The following MME variants were observed in gnomAD, a reference collection of about 807,000 sequenced individuals.
The protein encoded by MME is membrane metalloendopeptidase, also known as neprilysin.
A neutral mutation model predicts 113.2 loss-of-function variants in MME; 98 were observed. The observed-to-expected ratio is 0.87, with a 90% CI of 0.74 to 1.02. The LOEUF is 1.02. Among genes scored for constraint, MME ranks in the 50% least tolerant of loss-of-function variants. MME has a pLI of 0.00. For synonymous variants in MME, 292 were observed against 300.6 expected (o/e 0.97, Z 0.30); for missense variants, 836 against 896.0 (o/e 0.93, Z 0.86).
chr3:155,160,318 G>T (rs1420921124), intron 16 of MME, 72 bp from the exon 17 acceptor site: 1 of 1,008,984 alleles, frequency 9.9e-7, no homozygotes. Context: ...TGGTAATAAT[G>T]CTTTAATTGT....
chr3:155,147,679 C>T lies in MME; in HGVS notation c.1497+455C>T, dbSNP rs74797120. On this transcript the variant is annotated intron_variant, in intron 15 of 22. Transcript: ENST00000360490. ...GAGAACTGAAAACTATTTTGTTCTG[C>T]CCTGGTAATGTAACAGTTAAAAGAG... Among the ~76,000 whole-genome samples the T allele has an allele frequency of 5.2e-3, 786 of 152,212 alleles. 8 individuals are homozygous for T. The highest frequency in any genetic ancestry group is 0.018 in the African/African-American group (749 of 41,542).
intron 1 of MME, among the ~76,000 whole-genome samples, chr3:155,055,609 A>C (rs1713898039): frequency 6.6e-6 from 1 of 152,138 alleles, no homozygotes; most frequent in Non-Finnish European, 1.5e-5. Context: ...AAAAAAAAAA[A>C]ACTTTTATAT....
chr3:155,050,540 G>T (rs980148452), intron 1 of MME, among the ~76,000 whole-genome samples: 2 of 152,122 alleles, frequency 1.3e-5, no homozygotes, highest in Non-Finnish European at 2.9e-5. Flanking sequence ...ACGTGAGATA[G>T]TATGTCATCA....
intron 16 of MME, among the ~76,000 whole-genome samples, chr3:155,155,369 C>T (rs1722238119): frequency 6.6e-6 from 1 of 152,182 alleles, no homozygotes. Context: ...TCAGTGTCAT[C>T]TCTTGAAAGG....
intron 1 of MME, among the ~76,000 whole-genome samples, chr3:155,028,842 T>TA (rs1712872599): frequency 6.6e-6 from 1 of 152,200 alleles, no homozygotes; most frequent in Non-Finnish European, 1.5e-5. Context: ...TTTCTTTTTG[T>TA]TACTTACAAG....
intron 8 of MME, among the ~76,000 whole-genome samples, chr3:155,132,323 G>A (rs1576624876): frequency 6.6e-6 from 1 of 152,218 alleles, no homozygotes; most frequent in East Asian, 1.9e-4. Flanking sequence ...TTTCTAAAGA[G>A]CCAATTTATA....
At chr3:155,091,895 A>G (rs12490001) in intron 3 of MME, among the ~76,000 whole-genome samples, 14,038 of 152,186 alleles carry the variant, frequency 0.092, 844 homozygotes, top group Admixed American at 0.22. Context: ...AAACTAGAAT[A>G]CGTTCTTTCT....
chr3:155,084,907 C>G, intron 2 of MME, 152 bp from the exon 3 acceptor site: 2 of 466,352 alleles, frequency 4.3e-6, no homozygotes, highest in Non-Finnish European at 7.7e-6. Context: ...TATATTTTTT[C>G]TAACCACTGA....
At chr3:155,068,158 TA>T (rs998497762) in intron 1 of MME, among the ~76,000 whole-genome samples, 2 of 152,112 alleles carry the variant, frequency 1.3e-5, no homozygotes, top group African/African-American at 4.8e-5. Context: ...ATGCTGAATG[TA>T]AAAAGGCAAA....
chr3:155,150,050 T>C (rs563809473), intron 16 of MME, among the ~76,000 whole-genome samples: 1 of 152,342 alleles, frequency 6.6e-6, no homozygotes, highest in African/African-American at 2.4e-5. Flanking sequence ...ATTTATGATC[T>C]GAGAAATTTC....
At chr3:155,082,894 T>C (rs913926147) in intron 1 of MME, among the ~76,000 whole-genome samples, 5 of 152,184 alleles carry the variant, frequency 3.3e-5, no homozygotes, top group Admixed American at 2.6e-4. Context: ...TAGAGAATTG[T>C]GTGTGTTCAA....
At position 155,144,470 on chromosome 3, in the gene MME, C is replaced by T. The variant is rs1381034421; in HGVS notation, c.1416+13C>T. On this transcript the variant is annotated intron_variant, in intron 14 of 22. Coordinates refer to ENST00000360490, the MANE Select transcript of MME (RefSeq NM_007289.4). ...AGCTGAAGAAAAGGTAAAGAGCAGA[C>T]AGCTAACTAGCAAAGAAAAATCTTT... 6.5e-7 allele frequency: 1 copy of T among 1,541,266 alleles called. No individual in the cohort carries two copies.
At chr3:155,036,511 A>G (rs144154735) in intron 1 of MME, among the ~76,000 whole-genome samples, 4 of 152,248 alleles carry the variant, frequency 2.6e-5, no homozygotes, top group Non-Finnish European at 2.9e-5. Context: ...CATTTCATAT[A>G]CATGTGATCA....
rs985944665 is a variant in MME, at chr3:155,138,343, A to G, written c.855+107A>G. On this transcript the variant is annotated intron_variant, in intron 9 of 22. Transcript: ENST00000360490. ...AAAAGGTACAGCACTTTAACCAAGT[A>G]GTAAAAATGCATGGCTTGGTAATAG... 3.5e-6 allele frequency: 4 copies of G among 1,143,466 alleles called. No individual in the cohort carries two copies. The African/African-American group carries it at 6.2e-5, about 18-fold the overall frequency. The allele number at this position is 1,143,466 out of a possible 1,614,324, so 70.8% of individuals were successfully genotyped here. A position where few individuals can be genotyped will look rare whatever the true frequency, so the allele number is the denominator to read the frequency against.
At chr3:155,063,330 T>C (rs1250975537) in intron 1 of MME, among the ~76,000 whole-genome samples, 1 of 111,466 alleles carries the variant, frequency 9.0e-6, no homozygotes, top group African/African-American at 3.8e-5. Context: ...ATAATATATA[T>C]AAATATATAA....
In MME at chr3:155,166,985, A is replaced by G; in HGVS notation, c.1744A>G (p.Ile582Val). The G allele has an allele frequency of 6.2e-7, 1 of 1,613,766 alleles. No homozygotes were observed. The highest frequency in any genetic ancestry group is 8.5e-7 in the Non-Finnish European group (1 of 1,179,772). Residue 582 changes from isoleucine (I) to valine (V), a missense_variant, in exon 18 of 23, where the codon ATA becomes GTA. By Grantham distance (29) the Ile-to-Val change is conservative. Coordinates refer to ENST00000360490, the MANE Select transcript of MME (RefSeq NM_007289.4). The stretch of plus-strand genomic sequence containing the variant: ...GAACTATGGGGGCATCGGCATGGTC[A>G]TAGGACACGAAATCACCCATGGCTT... ...SLNYGGIGMV[I>V]GHEITHGFDD...
chr3:155,100,262 A>T (rs1717093011), intron 3 of MME, among the ~76,000 whole-genome samples: 1 of 152,268 alleles, frequency 6.6e-6, no homozygotes, highest in Non-Finnish European at 1.5e-5. Flanking sequence ...GACACTTCTC[A>T]AAAGAAGACA....
intron 3 of MME, among the ~76,000 whole-genome samples, chr3:155,110,519 T>C (rs1210206698): frequency 6.6e-6 from 1 of 152,212 alleles, no homozygotes; most frequent in Non-Finnish European, 1.5e-5. Context: ...TAAATTCCTA[T>C]AGTCAAATAA....
intron 3 of MME, among the ~76,000 whole-genome samples, chr3:155,113,714 A>G (rs901596696): frequency 1.3e-5 from 2 of 152,210 alleles, no homozygotes; most frequent in African/African-American, 2.4e-5. Context: ...GATGATATAA[A>G]CCAGGTACCA....
Sources: gnomAD v4.1 joint callset for allele counts (sites outside exome capture counted in the v4.1 genomes callset) on GRCh38, gnomAD v4.1.1 for gene constraint, MANE v1.5 for transcripts, NCBI Gene and HGNC (gene_info 2026-07-23, HGNC 2026-07-21) for gene names.